The following PHC2 variants were observed in gnomAD, a reference collection of about 807,000 sequenced individuals.
PHC2 encodes polyhomeotic-like protein 2.
In PHC2, 29 loss-of-function variants were observed where a neutral mutation model predicts 87.4. The ratio of observed to expected loss-of-function variants is 0.33; its 90% CI spans 0.25 to 0.45. The LOEUF (loss-of-function observed/expected upper bound fraction) is 0.45. Among genes scored for constraint, PHC2 ranks in the 20% least tolerant of loss-of-function variants. The pLI, the probability that PHC2 is intolerant of heterozygous loss-of-function variation, is 1.00. For missense variants in PHC2, 857 were observed against 1,136.7 expected, an observed-to-expected ratio of 0.75 and a Z score of 3.54; for synonymous variants, 438 against 461.7, an observed-to-expected ratio of 0.95 and a Z score of 0.66.
chr1:33,417,291 C>T (rs2148400300), intron 1 of PHC2, among the ~76,000 whole-genome samples: 1 of 152,166 alleles, frequency 6.6e-6, no homozygotes, highest in Non-Finnish European at 1.5e-5. Flanking sequence ...GGCCAGCTAT[C>T]CCGATAATTA....
rs184600338 is a variant in PHC2 at position 33,376,543 on chromosome 1, C to T, written c.-54-950G>A. Among the ~76,000 whole-genome samples, 228 of 152,334 alleles carry T rather than the reference C, an allele frequency of 1.5e-3. 2 individuals carry two copies. Among genetic ancestry groups the T allele is most frequent in the African/African-American group, 5.0e-3 (209 of 41,564 alleles). ...CATGGATCACCTCTCACCCTATCAG[C>T]CTTTTCATCGTTGGGGTGGGGACAC... On this transcript the variant is annotated intron_variant, in intron 1 of 14. Transcript: ENST00000683057.
Position 33,367,235 on chromosome 1 carries a change from C to G in PHC2, c.857G>C (p.Ser286Thr), listed in dbSNP as rs1021348107. 6.2e-7 allele frequency: 1 copy of G among 1,614,200 alleles called. No individual in the cohort carries two copies. The change falls in exon 7 of 15, where the codon AGT (serine) becomes ACT (threonine). Residue 286 changes from serine (S) to threonine (T), a missense_variant. Ser to Thr is a moderately conservative substitution (Grantham distance 58). Coordinates refer to ENST00000683057, the MANE Select transcript of PHC2 (RefSeq NM_001385109.1). The stretch of plus-strand genomic sequence containing the variant: ...TCCTTTCTTGTGTGGCTCCATCACA[C>G]TGTCAGCTATGCCAGGCTTGGCACC... ...PAGAKPGIAD[S>T]VMEPHKKGDG...
At position 33,332,715 on chromosome 1, in the gene PHC2, G is replaced by T. The variant is rs1646529290; in HGVS notation, c.1762-311C>A. Among the ~76,000 whole-genome samples the T allele has an allele frequency of 6.6e-6, 1 of 152,216 alleles. No homozygotes were observed. The highest frequency in any genetic ancestry group is 2.4e-5 in the African/African-American group (1 of 41,454). Reference sequence around the variant, plus strand: ...TGAGATCAGGTTTCCCACAGTGCCAGATCAAGCACCAAGACCCAGTACCCA... The same window carrying T: ...TGAGATCAGGTTTCCCACAGTGCCATATCAAGCACCAAGACCCAGTACCCA... On this transcript the variant is annotated intron_variant, in intron 10 of 14. Transcript: ENST00000683057. The surrounding 1 kb of genome is among the most constrained non-coding windows in gnomAD (Gnocchi z 4.2).
intron 7 of PHC2, among the ~76,000 whole-genome samples, chr1:33,357,715 C>T (rs1388171869): frequency 6.6e-6 from 1 of 152,200 alleles, no homozygotes; most frequent in Non-Finnish European, 1.5e-5. Flanking sequence ...AACAATCAGG[C>T]ACTTTTGAGA....
At chr1:33,359,597 C>CTAGAAGAGATTACAGTTTAG (rs1647157746) in intron 7 of PHC2, among the ~76,000 whole-genome samples, 1 of 152,110 alleles carries the variant, frequency 6.6e-6, no homozygotes, top group Non-Finnish European at 1.5e-5. Flanking sequence ...GACATGGTCC[C>CTAGAAGAGATTACAGTTTAG]TAGAAGAGAT....
chr1:33,358,192 A>G (rs1647128958), intron 7 of PHC2, among the ~76,000 whole-genome samples: 1 of 152,234 alleles, frequency 6.6e-6, no homozygotes, highest in African/African-American at 2.4e-5. Flanking sequence ...TCTCTACAGC[A>G]TAAAGAGTAT....
chr1:33,366,556 T>A (rs1647463660), intron 7 of PHC2, among the ~76,000 whole-genome samples: 1 of 152,176 alleles, frequency 6.6e-6, no homozygotes, highest in Non-Finnish European at 1.5e-5. Flanking sequence ...AGAGCTTAGA[T>A]CTATTATGGC....
intron 9 of PHC2, among the ~76,000 whole-genome samples, chr1:33,351,855 G>A (rs1265286465): frequency 3.3e-5 from 5 of 151,380 alleles, no homozygotes; most frequent in Admixed American, 2.0e-4. Flanking sequence ...GGGAGGCTGA[G>A]GCAGGAGAGT....
chr1:33,340,948 G>T (rs1646733505), intron 9 of PHC2, among the ~76,000 whole-genome samples: 1 of 151,852 alleles, frequency 6.6e-6, no homozygotes, highest in South Asian at 2.1e-4. Context: ...TGATTGTTTT[G>T]GATCACGGGG....
rs1647634701 is a variant in PHC2 at position 33,368,698 on chromosome 1, C to T, written c.577-76G>A. 1 of 1,121,294 alleles carries T rather than the reference C, an allele frequency of 8.9e-7. No homozygotes were observed. The highest frequency in any genetic ancestry group is 1.3e-6 in the Non-Finnish European group (1 of 755,168). 69.5% of individuals were successfully genotyped at this position (1,121,294 alleles called of 1,614,324 possible). Reference sequence around the variant, plus strand: ...GGTTACCTGGCTGGGCCTGGAATCACAGGAAACGAGGCGCCTTTTACCTGC... The same window carrying T: ...GGTTACCTGGCTGGGCCTGGAATCATAGGAAACGAGGCGCCTTTTACCTGC... On this transcript the variant is annotated intron_variant, in intron 5 of 14. Transcript: ENST00000683057. The surrounding 1 kb of genome is among the most constrained non-coding windows in gnomAD (Gnocchi z 6.6).
In PHC2 at chr1:33,325,004, G is replaced by C; in HGVS notation, c.2441C>G (p.Ala814Gly). The C allele has an allele frequency of 6.2e-7, 1 of 1,612,208 alleles. No homozygotes were observed. Among genetic ancestry groups the C allele is most frequent in the Non-Finnish European group, 8.5e-7 (1 of 1,178,678 alleles). The part of the protein sequence containing the change: ...IRSLPGCQEI[A>G]EEFRAQEIDG... ...GATTTCCTGGGCACGGAATTCCTCT[G>C]CTATCTCCTGGCAGCCTGAGGGGGT... Residue 814 changes from alanine (A) to glycine (G), a missense_variant, in exon 15 of 15, where the codon GCA (alanine) becomes GGA (glycine). Around this residue, in one of 3 missense-constraint regions of PHC2, gnomAD observed 832 missense variants for 1,081.8 expected, o/e 0.77. Transcript: ENST00000683057.
intron 1 of PHC2, among the ~76,000 whole-genome samples, chr1:33,409,446 G>A (rs1191079911): frequency 6.6e-6 from 1 of 152,068 alleles, no homozygotes; most frequent in Non-Finnish European, 1.5e-5. Context: ...AAAACTAGAA[G>A]GATATAAAAC....
chr1:33,341,328 AT>A (rs1026517855), intron 9 of PHC2, among the ~76,000 whole-genome samples: 5 of 152,356 alleles, frequency 3.3e-5, no homozygotes, highest in Admixed American at 1.3e-4. Context: ...GGCTGCGCTG[AT>A]TAGCCGTGGA....
In PHC2 at chr1:33,364,408, A is replaced by ACG. The variant is rs1553186427; in HGVS notation, c.976+2707_976+2708insCG. Reference sequence around the variant, plus strand: ...CTTGCTTTCACACACACACACACACACACACACACACACACACGCTCAAGC... The same window carrying ACG: ...CTTGCTTTCACACACACACACACACACGCACACACACACACACACGCTCAAGC... On this transcript the variant is annotated intron_variant, in intron 7 of 14. Transcript: ENST00000683057. The surrounding 1 kb of genome is among the most constrained non-coding windows in gnomAD (Gnocchi z 4.1). Among the ~76,000 whole-genome samples, 6 of 113,652 alleles carry ACG rather than the reference A, an allele frequency of 5.3e-5. No individual in the cohort carries two copies. The highest frequency in any genetic ancestry group is 2.3e-4 in the African/African-American group (5 of 21,928). The allele number at this position is 113,652 out of a possible 152,430, so 74.6% of individuals were successfully genotyped here.
chr1:33,352,097 G>T (rs1646985168), intron 9 of PHC2, among the ~76,000 whole-genome samples: 1 of 152,132 alleles, frequency 6.6e-6, no homozygotes, highest in South Asian at 2.1e-4. Flanking sequence ...ACCATGATTA[G>T]ATTTCAGAAA....
At chr1:33,396,384 A>T (rs184472964) in intron 1 of PHC2, among the ~76,000 whole-genome samples, 23 of 152,234 alleles carry the variant, frequency 1.5e-4, no homozygotes, top group Admixed American at 3.3e-4. Flanking sequence ...AGGGGAAATA[A>T]TGCAGTCAAG....
chr1:33,336,136 G>A (rs1048284411), intron 9 of PHC2, among the ~76,000 whole-genome samples: 2 of 151,678 alleles, frequency 1.3e-5, no homozygotes, highest in African/African-American at 2.4e-5. Context: ...TTACAGGCAC[G>A]TACCACCATA....
At chr1:33,420,215 C>T (rs1650378067) in intron 1 of PHC2, among the ~76,000 whole-genome samples, 2 of 152,192 alleles carry the variant, frequency 1.3e-5, no homozygotes, top group South Asian at 4.1e-4. Flanking sequence ...AATCCATTCG[C>T]CTAGAGATAG....
rs541051855 is a variant in PHC2, at chr1:33,393,681, T to C, written c.-54-18088A>G. Among the ~76,000 whole-genome samples, 11 of 16,550 alleles carry C rather than the reference T, an allele frequency of 6.6e-4. No homozygotes were observed. The South Asian group carries it at 0.022, about 34-fold the overall frequency. The allele number at this position is 16,550 out of a possible 152,430, so 10.9% of individuals were successfully genotyped here. A position where few individuals can be genotyped will look rare whatever the true frequency, so the allele number is the denominator to read the frequency against. On this transcript the variant is annotated intron_variant, in intron 1 of 14. Coordinates refer to ENST00000683057, the MANE Select transcript of PHC2 (RefSeq NM_001385109.1). ...GTTGATTTTGCTGTCATTGTTGTTA[T>C]TGACTTGATGCTCAGTAATCCAGAG...
Sources: allele counts gnomAD v4.1 joint callset (sites outside exome capture counted in the v4.1 genomes callset), GRCh38; gene constraint gnomAD v4.1.1; regional missense constraint gnomAD v4.1.1; non-coding constraint Gnocchi (gnomAD v3.1); transcripts MANE v1.5; gene names NCBI Gene and HGNC (gene_info 2026-07-23, HGNC 2026-07-21).